The following PCDH15 variants were observed in gnomAD, a reference collection of about 807,000 sequenced individuals.
The protein encoded by PCDH15 is protocadherin related 15.
PCDH15 carries 129 observed loss-of-function variants against 178.5 expected under a neutral mutation model. The observed-to-expected ratio is 0.72, with a 90% confidence interval of 0.63 to 0.84. The LOEUF is 0.84. Ranked by LOEUF, PCDH15 falls within the 40% of genes least tolerant of loss-of-function variation. The pLI, the probability that PCDH15 is intolerant of heterozygous loss-of-function variation, is 0.00. For synonymous variants in PCDH15, 800 were observed against 732.0 expected, an observed-to-expected ratio of 1.09 and a Z score of -1.50; for missense variants, 2,230 against 2,099.9, an observed-to-expected ratio of 1.06 and a Z score of -1.21.
At chr10:54,654,183 A>C (rs2135252209) in intron 2 of PCDH15, among the ~76,000 whole-genome samples, 1 of 152,294 alleles carries the variant, frequency 6.6e-6, no homozygotes, top group African/African-American at 2.4e-5. Context: ...CACCAACCAC[A>C]TCCAGTGGAC....
intron 3 of PCDH15, among the ~76,000 whole-genome samples, chr10:54,501,545 C>G (rs569909446): frequency 2.8e-4 from 42 of 152,212 alleles, no homozygotes; most frequent in African/African-American, 9.6e-4. Flanking sequence ...ATGCCAGAAT[C>G]CTTATGCTTC....
At chr10:55,284,056 C>T (rs1001409170) in intron 1 of PCDH15, among the ~76,000 whole-genome samples, 2 of 152,002 alleles carry the variant, frequency 1.3e-5, no homozygotes, top group African/African-American at 2.4e-5. Flanking sequence ...CTTGTGAAAC[C>T]CAGAGATATT....
intron 2 of PCDH15, among the ~76,000 whole-genome samples, chr10:55,522,485 A>T (rs1413841290): frequency 1.3e-5 from 2 of 151,658 alleles, no homozygotes; most frequent in African/African-American, 4.8e-5. Context: ...TGCTTTATAT[A>T]TGTTATTGCT....
At chr10:55,573,857 A>T (rs533799196) in intron 2 of PCDH15, among the ~76,000 whole-genome samples, 1 of 152,064 alleles carries the variant, frequency 6.6e-6, no homozygotes, top group South Asian at 2.1e-4. Flanking sequence ...AATGATTTGT[A>T]ACATTGCTTT....
chr10:55,300,097 G>C (rs1462583504), intron 1 of PCDH15, among the ~76,000 whole-genome samples: 1 of 152,212 alleles, frequency 6.6e-6, no homozygotes, highest in East Asian at 1.9e-4. Flanking sequence ...ATTACAGTCT[G>C]TATTGTATGG....
chr10:54,714,003 T>C (rs940509597), intron 1 of PCDH15, among the ~76,000 whole-genome samples: 33 of 152,144 alleles, frequency 2.2e-4, no homozygotes, highest in African/African-American at 8.0e-4. Flanking sequence ...GGCTTTGAAG[T>C]TGAAAGTGTC....
chr10:55,449,958 G>A (rs1258545477), intron 2 of PCDH15, among the ~76,000 whole-genome samples: 1 of 151,890 alleles, frequency 6.6e-6, no homozygotes, highest in Non-Finnish European at 1.5e-5. Context: ...TTTGAGTGTA[G>A]GTATTTCTGA....
intron 14 of PCDH15, among the ~76,000 whole-genome samples, chr10:54,135,822 T>A (rs1032789411): frequency 2.0e-5 from 3 of 152,174 alleles, no homozygotes; most frequent in Admixed American, 2.0e-4. Context: ...TAGAGCAAAT[T>A]ATTTCTTTCA....
intron 3 of PCDH15, among the ~76,000 whole-genome samples, chr10:54,831,873 C>A (rs1953232221): frequency 6.6e-6 from 1 of 151,906 alleles, no homozygotes; most frequent in South Asian, 2.1e-4. Context: ...ACTAAACAGC[C>A]TCAAATTTAA....
chr10:54,900,700 C>G (rs1278525084), intron 2 of PCDH15, among the ~76,000 whole-genome samples: 1 of 152,116 alleles, frequency 6.6e-6, no homozygotes, highest in Non-Finnish European at 1.5e-5. Flanking sequence ...TAAATGGCAA[C>G]AATACCTTGT....
chr10:55,460,222 G>A (rs1839644277), intron 2 of PCDH15, among the ~76,000 whole-genome samples: 1 of 151,384 alleles, frequency 6.6e-6, no homozygotes, highest in Non-Finnish European at 1.5e-5. Context: ...TTATTAGTGG[G>A]TATTATATTT....
chr10:55,599,583 A>G, intron 2 of PCDH15: 1 of 169,650 alleles, frequency 5.9e-6, no homozygotes, highest in Non-Finnish European at 1.3e-5. Context: ...TGTAAGTAAC[A>G]TTAAGACATT....
At chr10:54,012,843 C>A (rs2092632113) in intron 20 of PCDH15, among the ~76,000 whole-genome samples, 2 of 152,116 alleles carry the variant, frequency 1.3e-5, no homozygotes, top group Admixed American at 1.3e-4. Context: ...ATACACAGAT[C>A]TCTGACACTA....
At chr10:55,028,327 A>T (rs1463426824) in intron 2 of PCDH15, among the ~76,000 whole-genome samples, 1 of 151,908 alleles carries the variant, frequency 6.6e-6, no homozygotes, top group East Asian at 1.9e-4. Context: ...AAAGTAAGTA[A>T]ATCTAAGAAG....
chr10:54,968,451 TC>T (rs1169827148), intron 2 of PCDH15, among the ~76,000 whole-genome samples: 1 of 151,908 alleles, frequency 6.6e-6, no homozygotes, highest in Non-Finnish European at 1.5e-5. Flanking sequence ...ATTTTTTTTT[TC>T]TTTTCAGGAT....
At chr10:54,600,909 C>A (rs1368772603) in intron 2 of PCDH15, among the ~76,000 whole-genome samples, 3 of 151,938 alleles carry the variant, frequency 2.0e-5, no homozygotes, top group Non-Finnish European at 4.4e-5. Flanking sequence ...ATTTCCTGCA[C>A]TGTTGGAAGG....
intron 2 of PCDH15, among the ~76,000 whole-genome samples, chr10:55,555,065 A>G (rs1842065832): frequency 6.6e-6 from 1 of 152,132 alleles, no homozygotes; most frequent in African/African-American, 2.4e-5. Flanking sequence ...CATAATTAAT[A>G]AAGTAATTTT....
intron 2 of PCDH15, among the ~76,000 whole-genome samples, chr10:54,593,100 T>C (rs2091983527): frequency 6.6e-6 from 1 of 152,180 alleles, no homozygotes; most frequent in Non-Finnish European, 1.5e-5. Flanking sequence ...AGATATACAG[T>C]TGCAAATATT....
intron 8 of PCDH15, among the ~76,000 whole-genome samples, chr10:54,256,862 G>C (rs774704394): frequency 3.3e-5 from 5 of 152,072 alleles, no homozygotes; most frequent in African/African-American, 4.8e-5. Flanking sequence ...CTTCTTAATA[G>C]TATGTATCAG....
Sources: gnomAD v4.1 joint callset for allele counts (sites outside exome capture counted in the v4.1 genomes callset) on GRCh38, gnomAD v4.1.1 for gene constraint, MANE v1.5 for transcripts, NCBI Gene and HGNC (gene_info 2026-07-23, HGNC 2026-07-21) for gene names.